NEB: variants seen among roughly 807,000 people sequenced by gnomAD.
NEB encodes the protein nebulin, also known as nemaline myopathy type 2.
NEB carries 512 observed loss-of-function variants against 952.2 expected under a neutral mutation model. The observed-to-expected ratio is 0.54, with a 90% CI of 0.50 to 0.58. NEB has a LOEUF of 0.58. NEB is among the 20% of genes least tolerant of loss of function. The probability of loss-of-function intolerance (pLI) is 0.00; values close to 1 mark genes in which losing one functional copy is unlikely to be tolerated. For missense variants in NEB, 8,428 were observed against 9,231.1 expected, an observed-to-expected ratio of 0.91 and a Z score of 3.56; for synonymous variants, 2,900 against 3,149.8, an observed-to-expected ratio of 0.92 and a Z score of 2.66.
chr2:151,696,860 T>A (rs1352983952), intron 16 of NEB, 125 bp from the exon 17 acceptor site: 1 of 710,380 alleles, frequency 1.4e-6, no homozygotes, highest in Non-Finnish European at 2.4e-6. Context: ...TAAAATATAT[T>A]TTTTTCTAAC....
At position 151,552,909 on chromosome 2, in the gene NEB, C is replaced by A. The variant is rs2095422195; in HGVS notation, c.19732-133G>T. ...CAGCACTACTCAACAGACCGAGATG[C>A]ATTTGAATTTTATAACAGTGTAACC... is the stretch of plus-strand genomic sequence containing the variant. On this transcript the variant is annotated intron_variant, in intron 127 of 181. Coordinates refer to ENST00000397345, the MANE Select transcript of NEB (RefSeq NM_001164508.2). 4.8e-6 allele frequency: 3 copies of A among 623,198 alleles called. No homozygotes were observed. The African/African-American group carries it at 5.5e-5, about 11-fold the overall frequency. 38.6% of individuals were successfully genotyped at this position (623,198 alleles called of 1,614,324 possible). A position where few individuals can be genotyped will look rare whatever the true frequency, so the allele number is the denominator to read the frequency against.
chr2:151,692,195 T>G (rs1183251358), intron 21 of NEB, 29 bp from the exon 22 acceptor site: 5 of 1,610,664 alleles, frequency 3.1e-6, no homozygotes, highest in Non-Finnish European at 4.2e-6. Flanking sequence ...GTAATTCAAG[T>G]TAACAATCAT....
In NEB at chr2:151,493,880, A is replaced by G; in HGVS notation, c.24580-13T>C. 6.7e-7 allele frequency: 1 copy of G among 1,494,848 alleles called. No individual in the cohort carries two copies. The highest frequency in any genetic ancestry group is 9.0e-7 in the Non-Finnish European group (1 of 1,106,146). The allele number at this position is 1,494,848 out of a possible 1,614,324, so 92.6% of individuals were successfully genotyped here. A position where few individuals can be genotyped will look rare whatever the true frequency, so the allele number is the denominator to read the frequency against. Reference sequence around the variant, plus strand: ...CTTTGTATAACACCTGTGAGATACAAAGTCATGCCCGAAAGTCACTACGAG... The same window carrying G: ...CTTTGTATAACACCTGTGAGATACAGAGTCATGCCCGAAAGTCACTACGAG... On this transcript the variant is annotated splice_polypyrimidine_tract_variant and intron_variant, in intron 174 of 181. Coordinates refer to ENST00000397345, the MANE Select transcript of NEB (RefSeq NM_001164508.2).
At chr2:151,565,682 G>T (rs536867483) in intron 115 of NEB, 34 bp downstream of exon 115, 1 of 1,588,592 alleles carries the variant, frequency 6.3e-7, no homozygotes, top group Admixed American at 1.7e-5. Flanking sequence ...TAGGAGGACA[G>T]GCATAGGTTA....
chr2:151,718,503 A>G (rs1377204084), intron 9 of NEB, among the ~76,000 whole-genome samples: 1 of 152,252 alleles, frequency 6.6e-6, no homozygotes, highest in East Asian at 1.9e-4. Flanking sequence ...TAAGCCCACA[A>G]TCAACCCCAC....
At chr2:151,706,390 G>A (rs941704385) in intron 13 of NEB, among the ~76,000 whole-genome samples, 10 of 151,992 alleles carry the variant, frequency 6.6e-5, no homozygotes, top group Admixed American at 2.6e-4. Context: ...GCCCAGTCTC[G>A]TTTGCCTAAT....
At chr2:151,537,343 T>G (rs2093355350) in intron 140 of NEB, 107 bp from the exon 141 acceptor site, 1 of 638,330 alleles carries the variant, frequency 1.6e-6, no homozygotes, top group African/African-American at 1.8e-5. Context: ...TTGAGGTATA[T>G]AAAATAATAA....
At chr2:151,679,017 A>T (rs1305513274) in intron 32 of NEB, among the ~76,000 whole-genome samples, 1 of 152,184 alleles carries the variant, frequency 6.6e-6, no homozygotes, top group Non-Finnish European at 1.5e-5. Context: ...TGGGTCATAC[A>T]GAGCAGCAAG....
chr2:151,569,512 G>T, intron 109 of NEB, 140 bp from the exon 110 acceptor site: 1 of 676,684 alleles, frequency 1.5e-6, no homozygotes. Context: ...CGCAGGTAAT[G>T]TAAGAAAATT....
At chr2:151,663,506 A>G in intron 45 of NEB, 42 bp downstream of exon 45, 1 of 1,543,212 alleles carries the variant, frequency 6.5e-7, no homozygotes, top group South Asian at 1.2e-5. Flanking sequence ...ATGGTTGCTT[A>G]TTATCCAGAG....
At chr2:151,494,569 G>C (rs1213514060) in intron 173 of NEB, among the ~76,000 whole-genome samples, 3 of 152,172 alleles carry the variant, frequency 2.0e-5, no homozygotes, top group Non-Finnish European at 4.4e-5. Flanking sequence ...CCAAACAGGA[G>C]TTACAGGCAT....
chr2:151,544,857 T>C (rs1424019119), intron 135 of NEB, among the ~76,000 whole-genome samples: 1 of 152,204 alleles, frequency 6.6e-6, no homozygotes, highest in Non-Finnish European at 1.5e-5. Context: ...CAATACAGAA[T>C]GGTGAATGCA....
In NEB at chr2:151,678,173, T is replaced by G; in HGVS notation, c.3270A>C (p.Lys1090Asn). The G allele has an allele frequency of 6.2e-7, 1 of 1,603,270 alleles. No homozygotes were observed. Among genetic ancestry groups the G allele is most frequent in the Non-Finnish European group, 8.5e-7 (1 of 1,173,692 alleles). The change falls in exon 33 of 182, where the codon AAA becomes AAC. Residue 1090 changes from lysine (K) to asparagine (N), a missense_variant. By Grantham distance (94) the Lys-to-Asn change is moderately conservative. Coordinates refer to ENST00000397345, the MANE Select transcript of NEB (RefSeq NM_001164508.2). ...TTTTCCCTTTAGCCTTTTCATAGTC[T>G]TTTTTGTACTGAACCTATTGTAAAC... ...RQAASDVQYK[K>N]DYEKAKGKMV...
In NEB at chr2:151,710,436, T is replaced by A; in HGVS notation, c.925A>T (p.Thr309Ser). The A allele has an allele frequency of 6.2e-7, 1 of 1,607,988 alleles. No individual in the cohort carries two copies. Among genetic ancestry groups the A allele is most frequent in the Non-Finnish European group, 8.5e-7 (1 of 1,174,808 alleles). ...CCAGCCATCCCTTCCCACTTAACTG[T>A]GCTAATGTTATCAGCATTCATTCTG... ...NARMNADNIS[T>S]RKYQEDFENM... The change falls in exon 11 of 182, where the codon ACA becomes TCA. Residue 309 changes from threonine to serine, a missense_variant and splice_region_variant. Physicochemically the swap from Thr to Ser is moderately conservative, Grantham distance 58 (BLOSUM62 1). Around this residue, in one of 11 missense-constraint regions of NEB, gnomAD observed 2,851 missense variants for 2,791.5 expected, o/e 1.02. Coordinates refer to ENST00000397345, the MANE Select transcript of NEB (RefSeq NM_001164508.2).
At chr2:151,489,926 C>T (rs369420017) in intron 181 of NEB, 45 bp downstream of exon 181, 21 of 1,448,014 alleles carry the variant, frequency 1.5e-5, no homozygotes, top group Middle Eastern at 1.7e-4. Context: ...TTGCACATAT[C>T]AAAAATTAAG....
At chr2:151,637,830 T>C (rs545420980) in intron 63 of NEB, among the ~76,000 whole-genome samples, 1 of 152,350 alleles carries the variant, frequency 6.6e-6, no homozygotes, top group East Asian at 1.9e-4. Context: ...TTTTTAGTTT[T>C]TGGTGACAAT....
chr2:151,516,333 A>G (rs546747977), intron 157 of NEB, 126 bp downstream of exon 157: 1 of 606,482 alleles, frequency 1.6e-6, no homozygotes, highest in East Asian at 2.8e-5. Context: ...GATTTTAGTG[A>G]TCACATGATA....
chr2:151,506,967 A>C lies in NEB; in HGVS notation c.23498T>G (p.Val7833Gly). 6.2e-7 allele frequency: 1 copy of C among 1,611,476 alleles called. No individual in the cohort carries two copies. Residue 7833 changes from valine to glycine, a missense_variant, in exon 163 of 182, where the codon GTT (valine) becomes GGT (glycine). Val to Gly is a moderately radical substitution (Grantham distance 109, BLOSUM62 -3). Transcript: ENST00000397345. ...DLKNSKGKIT[V>G]VQDTPEILRV... ...CAGTATTTCTGGCGTGTCTTGAACA[A>C]CTGTAATTTTTCCTTTACTGTTTTT... is the stretch of plus-strand genomic sequence containing the variant.
chr2:151,653,785 G>A (rs556710936), intron 52 of NEB, among the ~76,000 whole-genome samples: 8 of 152,220 alleles, frequency 5.3e-5, no homozygotes, highest in Non-Finnish European at 8.8e-5. Context: ...CTTAGAGGTC[G>A]TCTGGCCCGA....
Sources: allele counts gnomAD v4.1 joint callset (sites outside exome capture counted in the v4.1 genomes callset), GRCh38; gene constraint gnomAD v4.1.1; regional missense constraint gnomAD v4.1.1; transcripts MANE v1.5; gene names NCBI Gene and HGNC (gene_info 2026-07-23, HGNC 2026-07-21).